Variants in TBC1D16 observed in about 807,000 individuals in gnomAD.
TBC1D16 encodes TBC1 domain family member 16, also known as CTD-2529O21.1.
TBC1D16 carries 58 observed loss-of-function variants against 74.7 expected under a neutral mutation model. That is an observed-to-expected ratio of 0.78 (90% confidence interval 0.63 to 0.97). The LOEUF is 0.97. Among genes scored for constraint, TBC1D16 ranks in the 50% least tolerant of loss-of-function variants. The pLI is 0.00. For missense variants in TBC1D16, 1,014 were observed against 1,079.5 expected, an observed-to-expected ratio of 0.94 and a Z score of 0.85; for synonymous variants, 493 against 474.7, an observed-to-expected ratio of 1.04 and a Z score of -0.50.
rs957976703 is a variant in TBC1D16 at position 79,944,131 on chromosome 17, G to A, written c.1908+777C>T. The A allele has an allele frequency of 2.8e-5, 43 of 1,535,884 alleles. No individual in the cohort carries two copies. Among genetic ancestry groups the A allele is most frequent in the Non-Finnish European group, 3.7e-5 (42 of 1,146,866 alleles). On this transcript the variant is annotated intron_variant, in intron 10 of 11. Coordinates refer to ENST00000310924, the MANE Select transcript of TBC1D16 (RefSeq NM_019020.4). This position sits in a 1 kb window ranked among gnomAD's most constrained non-coding sequence, Gnocchi z 7.7. ...CCCTGCGGTGTGAGTGAGGACAGGA[G>A]ACGCTGACGCAAATGTCTTCCAGCA...
In TBC1D16 at chr17:79,944,200, G is replaced by C. The variant is rs2032303686; in HGVS notation, c.1908+708C>G. On this transcript the variant is annotated intron_variant, in intron 10 of 11. Transcript: ENST00000310924. This position sits in a 1 kb window ranked among gnomAD's most constrained non-coding sequence, Gnocchi z 7.7. ...TCTTCAGGGTTCTCTGACGGAGGCT[G>C]CTGGAGCTGCCGTGGTGGATAGAGC... is the stretch of plus-strand genomic sequence containing the variant. 2 of 1,489,462 alleles carry C rather than the reference G, an allele frequency of 1.3e-6. No individual in the cohort carries two copies. Among genetic ancestry groups the C allele is most frequent in the Non-Finnish European group, 9.0e-7 (1 of 1,105,200 alleles). The allele number at this position is 1,489,462 out of a possible 1,614,324, so 92.3% of individuals were successfully genotyped here.
rs772471957 is a variant in TBC1D16, at chr17:79,952,782, C to T, written c.816G>A (p.Pro272=). 22 of 1,611,328 alleles carry T rather than the reference C, an allele frequency of 1.4e-5. No homozygotes were observed. Among genetic ancestry groups the T allele is most frequent in the Admixed American group, 8.3e-5 (5 of 59,936 alleles). Residue 272 remains proline (P), a synonymous_variant, in exon 4 of 12, where the codon CCG becomes CCA. Transcript: ENST00000310924. ...PSSSDAGLRF[P]DSNGLLQTPR... ...GGGTCTGCAGGAGGCCGTTGCTGTC[C>T]GGGAACCGCAGGCCGGCGTCGGAGC... is the stretch of plus-strand genomic sequence containing the variant.
chr17:80,033,270 C>G (rs1180790146), intron 1 of TBC1D16, among the ~76,000 whole-genome samples: 1 of 152,152 alleles, frequency 6.6e-6, no homozygotes, highest in African/African-American at 2.4e-5. Context: ...CACAAAGTCT[C>G]TGAAGTAGGT....
At chr17:80,014,250 G>A (rs993883138) in intron 1 of TBC1D16, among the ~76,000 whole-genome samples, 1 of 152,076 alleles carries the variant, frequency 6.6e-6, no homozygotes, top group African/African-American at 2.4e-5. Context: ...CCAGCTACTC[G>A]GGAGGCTAAG....
intron 3 of TBC1D16, among the ~76,000 whole-genome samples, chr17:79,958,681 G>C (rs906373526): frequency 3.9e-5 from 6 of 152,152 alleles, no homozygotes; most frequent in Admixed American, 1.3e-4. Context: ...AAAAGCATTC[G>C]ACAAAAATCC....
Position 79,987,258 on chromosome 17 carries a change from T to C in TBC1D16, c.779+22902A>G, listed in dbSNP as rs74780954. On this transcript the variant is annotated intron_variant, in intron 3 of 11. Transcript: ENST00000310924. This position sits in a 1 kb window ranked among gnomAD's most constrained non-coding sequence, Gnocchi z 5.2. ...AAGGAATTTTTTTTTTACTTTTTTT[T>C]CAGACTGGGTCTTGCTCTGTCACCC... 1.3e-5 allele frequency among the ~76,000 whole-genome samples: 2 copies of C among 151,954 alleles called. No homozygotes were observed. Among genetic ancestry groups the C allele is most frequent in the Non-Finnish European group, 2.9e-5 (2 of 67,980 alleles).
rs547245816 is a variant in TBC1D16 at position 79,994,108 on chromosome 17, C to T, written c.779+16052G>A. On this transcript the variant is annotated intron_variant, in intron 3 of 11. Coordinates refer to ENST00000310924, the MANE Select transcript of TBC1D16 (RefSeq NM_019020.4). The surrounding 1 kb of genome is among the most constrained non-coding windows in gnomAD (Gnocchi z 4.6). ...GGCACTTATTTCCTCCCTGTCCTGA[C>T]AGTTTTACTAGAAAGGTCAGCTTTT... 6.6e-6 allele frequency among the ~76,000 whole-genome samples: 1 copy of T among 152,116 alleles called. No homozygotes were observed. Among genetic ancestry groups the T allele is most frequent in the African/African-American group, 2.4e-5 (1 of 41,420 alleles).
rs1473319217 is a variant in TBC1D16 at position 79,980,518 on chromosome 17, G to A, written c.780-27700C>T. 6.6e-6 allele frequency among the ~76,000 whole-genome samples: 1 copy of A among 152,202 alleles called. No individual in the cohort carries two copies. Among genetic ancestry groups the A allele is most frequent in the Non-Finnish European group, 1.5e-5 (1 of 68,048 alleles). ...AGACACAGAACCCGCAGGCCCTGGA[G>A]GACCCTGAAGATCACCAGGCCCAGT... On this transcript the variant is annotated intron_variant, in intron 3 of 11. Coordinates refer to ENST00000310924, the MANE Select transcript of TBC1D16 (RefSeq NM_019020.4). The surrounding 1 kb of genome is among the most constrained non-coding windows in gnomAD (Gnocchi z 7.0).
chr17:80,017,021 G>C (rs2036112008), intron 1 of TBC1D16, among the ~76,000 whole-genome samples: 1 of 152,094 alleles, frequency 6.6e-6, no homozygotes, highest in Non-Finnish European at 1.5e-5. Flanking sequence ...TTGAGCCACA[G>C]ACGCCCTCTG....
rs945593098 is a variant in TBC1D16 at position 79,980,641 on chromosome 17, C to T, written c.780-27823G>A. On this transcript the variant is annotated intron_variant, in intron 3 of 11. Coordinates refer to ENST00000310924, the MANE Select transcript of TBC1D16 (RefSeq NM_019020.4). The surrounding 1 kb of genome is among the most constrained non-coding windows in gnomAD (Gnocchi z 7.0). ...AGGAACGGGGAACAGAAAGCCAGAA[C>T]CTTCTAGATTCTGAGCTGCTGGGCT... is the stretch of plus-strand genomic sequence containing the variant. Among the ~76,000 whole-genome samples, 1 of 152,160 alleles carries T rather than the reference C, an allele frequency of 6.6e-6. No homozygotes were observed. The highest frequency in any genetic ancestry group is 2.4e-5 in the African/African-American group (1 of 41,416).
Position 79,951,463 on chromosome 17 carries a change from T to C in TBC1D16, c.1076A>G (p.Gln359Arg). Residue 359 changes from glutamine (Q) to arginine (R), a missense_variant, in exon 5 of 12, where the codon CAG becomes CGG. Physicochemically the swap from Gln to Arg is conservative, Grantham distance 43. Coordinates refer to ENST00000310924, the MANE Select transcript of TBC1D16 (RefSeq NM_019020.4). ...CTGCTGGGCTACCTGGTCTTTGAGC[T>C]GCATCTCGGTGCAGTATTTCCACTG... is the stretch of plus-strand genomic sequence containing the variant. ...FQQWKYCTEM[Q>R]LKDQQVAPDK... is the part of the protein sequence containing the mutation. 6.2e-7 allele frequency: 1 copy of C among 1,613,482 alleles called. No individual in the cohort carries two copies. The highest frequency in any genetic ancestry group is 8.5e-7 in the Non-Finnish European group (1 of 1,179,792).
At position 79,950,520 on chromosome 17, in the gene TBC1D16, G is replaced by A. The variant is rs1218579074; in HGVS notation, c.1148C>T (p.Ser383Phe). 2.9e-5 allele frequency: 46 copies of A among 1,613,482 alleles called. No homozygotes were observed. Among genetic ancestry groups the A allele is most frequent in the Non-Finnish European group, 3.9e-5 (46 of 1,179,936 alleles). ...GCTCTCCTCGGGGTGCGTCTCGGAGGACGGCAGCTTGGGGCGGCGGATGGA... is the reference window on the plus strand; with the variant it reads ...GCTCTCCTCGGGGTGCGTCTCGGAGAACGGCAGCTTGGGGCGGCGGATGGA... The part of the protein sequence containing the change: ...QFSIRRPKLP[S>F]SETHPEESMY... Residue 383 changes from serine to phenylalanine, a missense_variant, in exon 6 of 12, where the codon TCC (serine) becomes TTC (phenylalanine). Coordinates refer to ENST00000310924, the MANE Select transcript of TBC1D16 (RefSeq NM_019020.4). This position sits in a 1 kb window ranked among gnomAD's most constrained non-coding sequence, Gnocchi z 4.6.
At chr17:79,995,046 T>C (rs10083896) in intron 3 of TBC1D16, among the ~76,000 whole-genome samples, 52,651 of 151,918 alleles carry the variant, frequency 0.35, 9,366 homozygotes, top group Middle Eastern at 0.42. Flanking sequence ...TAGCCTGTAA[T>C]CCCAGCACAT....
Position 79,987,894 on chromosome 17 carries a change from A to C in TBC1D16, c.779+22266T>G, listed in dbSNP as rs988823851. Reference sequence around the variant, plus strand: ...TGCTGGGTGGGGGCGGGGTGCTGGGAGATGCAGAGGCTCAGAAAAACCCTC... The same window carrying C: ...TGCTGGGTGGGGGCGGGGTGCTGGGCGATGCAGAGGCTCAGAAAAACCCTC... On this transcript the variant is annotated intron_variant, in intron 3 of 11. Coordinates refer to ENST00000310924, the MANE Select transcript of TBC1D16 (RefSeq NM_019020.4). This position sits in a 1 kb window ranked among gnomAD's most constrained non-coding sequence, Gnocchi z 5.2. Among the ~76,000 whole-genome samples the C allele has an allele frequency of 1.3e-5, 2 of 152,086 alleles. No homozygotes were observed. Among genetic ancestry groups the C allele is most frequent in the African/African-American group, 4.8e-5 (2 of 41,502 alleles).
intron 3 of TBC1D16, among the ~76,000 whole-genome samples, chr17:79,959,119 G>T (rs2033479430): frequency 6.6e-6 from 1 of 152,142 alleles, no homozygotes; most frequent in Admixed American, 6.5e-5. Context: ...ATTGGAACAT[G>T]AAATAAATAA....
Position 80,035,426 on chromosome 17 carries a change from C to T in TBC1D16, c.-63+369G>A, listed in dbSNP as rs1399234908. ...GCGCCGGCACCCCACAAGTTCTCATCCGTCTGCTCCGCCGATTCAGCCAGA... is the reference window on the plus strand; with the variant it reads ...GCGCCGGCACCCCACAAGTTCTCATTCGTCTGCTCCGCCGATTCAGCCAGA... On this transcript the variant is annotated intron_variant, in intron 1 of 11. Transcript: ENST00000310924. This position sits in a 1 kb window ranked among gnomAD's most constrained non-coding sequence, Gnocchi z 5.3. 6.6e-6 allele frequency among the ~76,000 whole-genome samples: 1 copy of T among 152,050 alleles called. No homozygotes were observed. Among genetic ancestry groups the T allele is most frequent in the Non-Finnish European group, 1.5e-5 (1 of 67,990 alleles).
At position 80,007,988 on chromosome 17, in the gene TBC1D16, C is replaced by G. The variant is rs2035741740; in HGVS notation, c.779+2172G>C. 6.6e-6 allele frequency among the ~76,000 whole-genome samples: 1 copy of G among 151,326 alleles called. No individual in the cohort carries two copies. The highest frequency in any genetic ancestry group is 2.1e-4 in the South Asian group (1 of 4,796). ...GCACAGCACGCCTGTCCGCTGCCCA[C>G]TGATGCCAATACATCCCCACCCTCA... On this transcript the variant is annotated intron_variant, in intron 3 of 11. Coordinates refer to ENST00000310924, the MANE Select transcript of TBC1D16 (RefSeq NM_019020.4). The surrounding 1 kb of genome is among the most constrained non-coding windows in gnomAD (Gnocchi z 4.5).
chr17:80,025,613 C>T (rs1450810527), intron 1 of TBC1D16, among the ~76,000 whole-genome samples: 1 of 148,400 alleles, frequency 6.7e-6, no homozygotes, highest in Non-Finnish European at 1.5e-5. Flanking sequence ...GCTGGAAGCA[C>T]CCCCCTGCCA....
intron 3 of TBC1D16, among the ~76,000 whole-genome samples, chr17:79,962,585 T>G (rs927139183): frequency 6.6e-6 from 1 of 152,158 alleles, no homozygotes; most frequent in Non-Finnish European, 1.5e-5. Flanking sequence ...GATCATCACC[T>G]TCCATTTCCA....
Sources: gnomAD v4.1 joint callset for allele counts (sites outside exome capture counted in the v4.1 genomes callset) on GRCh38, gnomAD v4.1.1 for gene constraint, Gnocchi (gnomAD v3.1) non-coding constraint, MANE v1.5 for transcripts, NCBI Gene and HGNC (gene_info 2026-07-23, HGNC 2026-07-21) for gene names.